Variants in ASAP1 observed in about 807,000 individuals in gnomAD.
The protein encoded by ASAP1 is ArfGAP with SH3 domain, ankyrin repeat and PH domain 1.
In ASAP1, 43 loss-of-function variants were observed where a neutral mutation model predicts 145.2. That is an observed-to-expected ratio of 0.30 (90% CI 0.23 to 0.38). The LOEUF is 0.38. Ranked by LOEUF, ASAP1 falls within the 10% of genes least tolerant of loss-of-function variation. The pLI is 1.00. For missense variants in ASAP1, 1,018 were observed against 1,355.3 expected, an observed-to-expected ratio of 0.75 and a Z score of 3.91; for synonymous variants, 546 against 515.5, an observed-to-expected ratio of 1.06 and a Z score of -0.80.
intron 24 of ASAP1, 135 bp downstream of exon 24, chr8:130,111,959 C>T: frequency 1.2e-6 from 1 of 828,814 alleles, no homozygotes; most frequent in Non-Finnish European, 1.9e-6. Flanking sequence ...TTTCAAGCTG[C>T]TCCTGACAAC....
chr8:130,119,375 G>A (rs2097561820), intron 18 of ASAP1, among the ~76,000 whole-genome samples: 2 of 152,218 alleles, frequency 1.3e-5, no homozygotes. Context: ...GTTCAGTATG[G>A]GAGCAGGAGA....
intron 9 of ASAP1, among the ~76,000 whole-genome samples, chr8:130,175,287 T>G (rs1813875446): frequency 6.6e-6 from 1 of 152,154 alleles, no homozygotes. Flanking sequence ...AGTAAGTCAT[T>G]ATGGCTCACT....
intron 1 of ASAP1, among the ~76,000 whole-genome samples, chr8:130,442,455 A>G (rs572741963): frequency 2.8e-4 from 42 of 152,188 alleles, no homozygotes; most frequent in Non-Finnish European, 4.9e-4. Flanking sequence ...TACAATTGCA[A>G]AACAGAAAGG....
chr8:130,185,729 C>CAAAAAAAAAAAAAAAAAAAAAAA (rs778486303), intron 7 of ASAP1, among the ~76,000 whole-genome samples: 6 of 57,094 alleles, frequency 1.1e-4, no homozygotes, highest in East Asian at 4.9e-4. Context: ...AACTCCGCCT[C>CAAAAAAAAAAAAAAAAAAAAAAA]AAAAAAAAAA....
At chr8:130,317,802 T>C (rs56060465) in intron 3 of ASAP1, among the ~76,000 whole-genome samples, 2,106 of 152,290 alleles carry the variant, frequency 0.014, 65 homozygotes, top group African/African-American at 0.047. Context: ...GCTGAAGTGA[T>C]GAACATGGCA....
At chr8:130,256,239 G>A (rs1819506000) in intron 3 of ASAP1, among the ~76,000 whole-genome samples, 1 of 152,156 alleles carries the variant, frequency 6.6e-6, no homozygotes, top group African/African-American at 2.4e-5. Context: ...TTTCCTTGAA[G>A]ATGCACACTA....
At chr8:130,443,199 T>G (rs1161404207) in intron 1 of ASAP1, among the ~76,000 whole-genome samples, 2 of 151,386 alleles carry the variant, frequency 1.3e-5, no homozygotes, top group East Asian at 3.9e-4. Flanking sequence ...TCTCCCGAGC[T>G]GGAGGCGAGG....
chr8:130,056,607 G>GA (rs2097404784), intron 29 of ASAP1, among the ~76,000 whole-genome samples: 1 of 152,220 alleles, frequency 6.6e-6, no homozygotes, highest in African/African-American at 2.4e-5. Flanking sequence ...CTGTGATTAA[G>GA]AATCTGAGGT....
Position 130,091,514 on chromosome 8 carries a change from G to C in ASAP1, c.2572+459C>G, listed in dbSNP as rs1343301117. Among the ~76,000 whole-genome samples the C allele has an allele frequency of 7.2e-5, 11 of 152,310 alleles. No individual in the cohort carries two copies. The East Asian group carries it at 2.1e-3, about 29-fold the overall frequency. ...AGGAGATAAGAGCCCGATCATGCAG[G>C]GCCCTGTGGGCCTTGATATAGGGAG... On this transcript the variant is annotated intron_variant, in intron 25 of 29. Transcript: ENST00000518721.
chr8:130,070,122 C>T (rs539120428), intron 27 of ASAP1, among the ~76,000 whole-genome samples: 14 of 151,884 alleles, frequency 9.2e-5, no homozygotes, highest in African/African-American at 2.2e-4. Context: ...CTGCAAGCTC[C>T]GCCTCCCGGG....
chr8:130,357,719 G>T, intron 3 of ASAP1, among the ~76,000 whole-genome samples: 1 of 152,232 alleles, frequency 6.6e-6, no homozygotes. Flanking sequence ...ATGTGGAAGC[G>T]CCGAACAGTG....
intron 3 of ASAP1, 121 bp from the exon 4 acceptor site, chr8:130,237,115 T>C: frequency 1.5e-6 from 1 of 681,886 alleles, no homozygotes; most frequent in South Asian, 2.3e-5. Context: ...CAAACTGACA[T>C]ATTCATTAAC....
intron 15 of ASAP1, among the ~76,000 whole-genome samples, chr8:130,129,233 T>A (rs371751832): frequency 5.7e-4 from 87 of 152,336 alleles, no homozygotes; most frequent in Admixed American, 2.1e-3. Context: ...CTTTCCTTTA[T>A]AAATTACCCA....
chr8:130,232,622 T>A (rs550302014), intron 4 of ASAP1, among the ~76,000 whole-genome samples: 17 of 151,366 alleles, frequency 1.1e-4, no homozygotes, highest in East Asian at 3.9e-4. Flanking sequence ...GACAATTTGT[T>A]TAAAAAAAAA....
chr8:130,143,881 C>A (rs964489611), intron 13 of ASAP1, among the ~76,000 whole-genome samples: 3 of 152,164 alleles, frequency 2.0e-5, no homozygotes, highest in African/African-American at 7.2e-5. Context: ...GAATTAGTAC[C>A]CAGAAATGAA....
Position 130,180,792 on chromosome 8 carries a change from T to A in ASAP1, c.619A>T (p.Met207Leu), listed in dbSNP as rs1814303005. ...EITGAEIAEEMEKERRLFQLQ... is the reference protein window; with the variant it reads ...EITGAEIAEELEKERRLFQLQ... ...TGAAAGAGGCGCCTTTCCTTCTCCA[T>A]TTCTTCCGCAATCTCAGCTCCTGTT... Residue 207 changes from methionine to leucine, a missense_variant, in exon 8 of 30, where the codon ATG (methionine) becomes TTG (leucine). Met to Leu is a conservative substitution (Grantham distance 15, BLOSUM62 2). Coordinates refer to ENST00000518721, the MANE Select transcript of ASAP1 (RefSeq NM_018482.4). 4.3e-6 allele frequency: 7 copies of A among 1,613,702 alleles called. No individual in the cohort carries two copies. Among genetic ancestry groups the A allele is most frequent in the Non-Finnish European group, 5.9e-6 (7 of 1,179,844 alleles).
At chr8:130,138,692 C>A (rs1465007503) in intron 13 of ASAP1, among the ~76,000 whole-genome samples, 2 of 151,872 alleles carry the variant, frequency 1.3e-5, no homozygotes, top group African/African-American at 2.4e-5. Context: ...CAAAATTAGC[C>A]GGGCGTGGTG....
intron 25 of ASAP1, chr8:130,084,606 T>C (rs183700100): frequency 2.6e-5 from 4 of 152,256 alleles, no homozygotes; most frequent in Admixed American, 2.6e-4. Context: ...TATTCTGGAA[T>C]AGTGAATTAC....
intron 3 of ASAP1, among the ~76,000 whole-genome samples, chr8:130,311,457 A>G (rs1324158566): frequency 6.6e-6 from 1 of 152,222 alleles, no homozygotes; most frequent in Non-Finnish European, 1.5e-5. Context: ...TCGTTAAGCC[A>G]GTACTTAAAA....
Sources: allele counts gnomAD v4.1 joint callset (sites outside exome capture counted in the v4.1 genomes callset), GRCh38; gene constraint gnomAD v4.1.1; transcripts MANE v1.5; gene names NCBI Gene and HGNC (gene_info 2026-07-23, HGNC 2026-07-21).